The following SIGLEC5 variants were observed in gnomAD, a reference collection of about 807,000 sequenced individuals.
The protein encoded by SIGLEC5 is sialic acid binding Ig like lectin 5, also known as sialic acid-binding Ig-like lectin 5.
Under a neutral mutation model 45.9 loss-of-function variants are expected in SIGLEC5, and 34 were observed. The observed-to-expected ratio is 0.74, with a 90% confidence interval of 0.56 to 0.99. The LOEUF (loss-of-function observed/expected upper bound fraction) is 0.99, where lower values mean the gene tolerates loss of function less well. Ranked by LOEUF, SIGLEC5 falls within the 50% of genes least tolerant of loss-of-function variation. The probability of loss-of-function intolerance (pLI) is 0.00; values close to 1 mark genes in which losing one functional copy is unlikely to be tolerated. For missense variants in SIGLEC5, 508 were observed against 629.6 expected, an observed-to-expected ratio of 0.81 and a Z score of 2.07; for synonymous variants, 203 against 258.6, an observed-to-expected ratio of 0.79 and a Z score of 2.06.
At chr19:51,627,333 C>T (rs915050188) in intron 6 of SIGLEC5, 85 bp from the exon 7 acceptor site, 6 of 1,541,424 alleles carry the variant, frequency 3.9e-6, no homozygotes, top group Non-Finnish European at 5.3e-6. Flanking sequence ...GCTCCAGGGC[C>T]CTGCTCAGAC....
In SIGLEC5 at chr19:51,611,803, A is replaced by T. The variant is rs1478223362; in HGVS notation, c.*428T>A. On this transcript the variant is annotated 3_prime_UTR_variant, in exon 9 of 9. Coordinates refer to ENST00000683636, the MANE Select transcript of SIGLEC5 (RefSeq NM_003830.4). ...TTGGGAAGGGGAGTGACACCAACAT[A>T]TTGCTGCCCTGTTTTTTGTGCCTGG... 6.6e-6 allele frequency: 1 copy of T among 152,652 alleles called. No individual in the cohort carries two copies. The highest frequency in any genetic ancestry group is 1.5e-5 in the Non-Finnish European group (1 of 68,404). The allele number at this position is 152,652 out of a possible 1,614,324, so 9.5% of individuals were successfully genotyped here.
chr19:51,624,114 G>C (rs1001252604), intron 8 of SIGLEC5, among the ~76,000 whole-genome samples: 1 of 151,978 alleles, frequency 6.6e-6, no homozygotes, highest in Admixed American at 6.6e-5. Context: ...AGCCGAGATC[G>C]CACCACTGCA....
intron 8 of SIGLEC5, among the ~76,000 whole-genome samples, chr19:51,617,194 G>T (rs1983099785): frequency 6.6e-6 from 1 of 151,146 alleles, no homozygotes; most frequent in South Asian, 2.1e-4. Context: ...GGCGGAGCTT[G>T]CAGTGAGAGG....
rs552559234 is a variant in SIGLEC5 at position 51,629,446 on chromosome 19, G to T, written c.612C>A (p.Pro204=). The T allele has an allele frequency of 1.9e-6, 3 of 1,613,376 alleles. No individual in the cohort carries two copies. Among genetic ancestry groups the T allele is most frequent in the Non-Finnish European group, 2.5e-6 (3 of 1,179,900 alleles). Reference sequence around the variant, plus strand: ...AGGTGAGGTTGGTGCCATGGTCCTCGGGCCTGGGGGTGAGGGTGAGCTCCG... The same window carrying T: ...AGGTGAGGTTGGTGCCATGGTCCTCTGGCCTGGGGGTGAGGGTGAGCTCCG... ...RSSELTLTPR[P]EDHGTNLTCQ... Residue 204 remains proline, a synonymous_variant, in exon 3 of 9, where the codon CCC becomes CCA. Coordinates refer to ENST00000683636, the MANE Select transcript of SIGLEC5 (RefSeq NM_003830.4).
rs1323608616 is a variant in SIGLEC5 at position 51,627,889 on chromosome 19, G to A, written c.942C>T (p.Cys314=). The A allele has an allele frequency of 1.9e-6, 3 of 1,613,384 alleles. No individual in the cohort carries two copies. The highest frequency in any genetic ancestry group is 2.7e-5 in the African/African-American group (2 of 74,902). The change falls in exon 5 of 9, where the codon TGC becomes TGT. Residue 314 remains cysteine, a synonymous_variant. Coordinates refer to ENST00000683636, the MANE Select transcript of SIGLEC5 (RefSeq NM_003830.4). ...VRSAEEGGFT[C]RAQHPLGFLQ... The stretch of plus-strand genomic sequence containing the variant: ...GGAAGCCCAGCGGGTGCTGAGCGCG[G>A]CAGGTGAAGCCTCCTTCTTCTGCAG...
intron 4 of SIGLEC5, among the ~76,000 whole-genome samples, chr19:51,628,360 G>A (rs763916123): frequency 2.8e-4 from 42 of 152,196 alleles, no homozygotes; most frequent in Non-Finnish European, 4.0e-4. Flanking sequence ...CCCCGGTGGC[G>A]TTGGGAAATA....
At chr19:51,613,801 G>A (rs557637997) in intron 8 of SIGLEC5, among the ~76,000 whole-genome samples, 4 of 152,076 alleles carry the variant, frequency 2.6e-5, no homozygotes, top group South Asian at 4.2e-4. Context: ...GCCAGGATTC[G>A]AACTCAGCCC....
intron 8 of SIGLEC5, chr19:51,621,339 A>G (rs977509144): frequency 6.6e-6 from 1 of 152,216 alleles, no homozygotes; most frequent in Non-Finnish European, 1.5e-5. Flanking sequence ...CAAACCATCC[A>G]TAGTCACAAA....
intron 6 of SIGLEC5, 24 bp downstream of exon 6, chr19:51,627,438 G>C (rs916335125): frequency 1.9e-6 from 3 of 1,598,256 alleles, no homozygotes; most frequent in Non-Finnish European, 2.6e-6. Flanking sequence ...TCAGGCCCCT[G>C]CCCTCTGCAA....
chr19:51,620,865 T>C (rs1983258910), intron 8 of SIGLEC5, among the ~76,000 whole-genome samples: 2 of 152,186 alleles, frequency 1.3e-5, no homozygotes, highest in South Asian at 4.1e-4. Flanking sequence ...TTTTTTCTTT[T>C]TGTAGAGATG....
At chr19:51,620,055 C>CAA (rs956168923) in intron 8 of SIGLEC5, among the ~76,000 whole-genome samples, 9 of 70,394 alleles carry the variant, frequency 1.3e-4, no homozygotes, top group African/African-American at 4.6e-4. Context: ...ATCCTTTTGT[C>CAA]AAAATATATA....
chr19:51,626,637 G>A (rs1983491612), intron 7 of SIGLEC5, among the ~76,000 whole-genome samples: 1 of 152,124 alleles, frequency 6.6e-6, no homozygotes, highest in Admixed American at 6.5e-5. Context: ...CAGAGACATG[G>A]AATAGGTTAG....
rs1383432322 is a variant in SIGLEC5 at position 51,611,209 on chromosome 19, C to T, written c.*1022G>A. Among the ~76,000 whole-genome samples, 1 of 152,194 alleles carries T rather than the reference C, an allele frequency of 6.6e-6. No individual in the cohort carries two copies. Among genetic ancestry groups the T allele is most frequent in the African/African-American group, 2.4e-5 (1 of 41,442 alleles). ...GTTTGGAGATACCCTAGATAAGTAA[C>T]TGGAGAATTTTTAGCTGCTTTTGGT... On this transcript the variant is annotated 3_prime_UTR_variant, in exon 9 of 9. Transcript: ENST00000683636.
chr19:51,626,344 C>A (rs551467608), intron 7 of SIGLEC5, among the ~76,000 whole-genome samples: 13 of 152,248 alleles, frequency 8.5e-5, no homozygotes, highest in African/African-American at 3.1e-4. Flanking sequence ...CTCTTACACA[C>A]AAAACCATGG....
In SIGLEC5 at chr19:51,630,105, C is replaced by T; in HGVS notation, c.149G>A (p.Trp50Ter). ...GACGTAGAGTGGGGGAGAGGAATACCAGGATCTCCAGGGGTAAGAGAAGGA... is the reference window on the plus strand; with the variant it reads ...GACGTAGAGTGGGGGAGAGGAATACTAGGATCTCCAGGGGTAAGAGAAGGA... ...PCSFSYPWRS[W>*]YSSPPLYVYW... Residue 50 changes from tryptophan to a stop codon, truncating the protein, a stop_gained, in exon 2 of 9, where the codon TGG (tryptophan) becomes TAG (stop). Transcript: ENST00000683636. LOFTEE classifies it high-confidence loss of function. 1 of 562,952 alleles carries T rather than the reference C, an allele frequency of 1.8e-6. No homozygotes were observed. The allele number at this position is 562,952 out of a possible 1,614,324, so 34.9% of individuals were successfully genotyped here.
intron 4 of SIGLEC5, among the ~76,000 whole-genome samples, chr19:51,628,549 T>G (rs1369057587): frequency 1.3e-5 from 2 of 152,160 alleles, no homozygotes; most frequent in Non-Finnish European, 2.9e-5. Flanking sequence ...TGTTCACTGC[T>G]TTGAGCAGAG....
chr19:51,621,539 C>A (rs1191211102), intron 8 of SIGLEC5: 1 of 152,180 alleles, frequency 6.6e-6, no homozygotes, highest in Non-Finnish European at 1.5e-5. Flanking sequence ...GTACCTGAAG[C>A]CCAAAAGGAT....
intron 8 of SIGLEC5, among the ~76,000 whole-genome samples, chr19:51,619,674 A>G (rs1983209292): frequency 6.6e-6 from 1 of 152,220 alleles, no homozygotes; most frequent in Non-Finnish European, 1.5e-5. Context: ...CAATGGGATG[A>G]AAATGAAATT....
chr19:51,624,964 CA>C (rs11285062), intron 8 of SIGLEC5, among the ~76,000 whole-genome samples: 133,084 of 151,710 alleles, frequency 0.88, 58,565 homozygotes, highest in East Asian at 0.96. Context: ...ACTCCGTCTC[CA>C]AAAAAATAAA....
Sources: allele counts gnomAD v4.1 joint callset (sites outside exome capture counted in the v4.1 genomes callset), GRCh38; gene constraint gnomAD v4.1.1; transcripts MANE v1.5; gene names NCBI Gene and HGNC (gene_info 2026-07-23, HGNC 2026-07-21).